INTS11: variants seen among roughly 807,000 people sequenced by gnomAD.
The protein encoded by INTS11 is integrator complex subunit 11, also known as CPSF3-like protein.
In INTS11, 77 loss-of-function variants were observed where a neutral mutation model predicts 78.6. The observed-to-expected ratio is 0.98, with a 90% confidence interval of 0.81 to 1.18. The LOEUF is 1.18. Ranked by LOEUF, INTS11 falls within the 50% of genes most tolerant of loss-of-function variation. The probability of loss-of-function intolerance (pLI) is 0.00; values close to 1 mark genes in which losing one functional copy is unlikely to be tolerated. For missense variants in INTS11, 875 were observed against 825.9 expected (o/e 1.06, Z -0.73); for synonymous variants, 441 against 326.9 (o/e 1.35, Z -3.77).
Position 1,311,887 on chromosome 1 carries a change from T to C in INTS11, c.1775A>G (p.Lys592Arg). ...GCTGGGGGCCTGGGGGAGGCCCTTC[T>C]TCAGCAGAGATGTGAGGAAGCTCCC... ...ELGSFLTSLLKKGLPQAPS is the reference protein window; with the variant it reads ...ELGSFLTSLLRKGLPQAPS The change falls in exon 17 of 17, where the codon AAG becomes AGG. Residue 592 changes from lysine (K) to arginine (R), a missense_variant. Lys to Arg is a conservative substitution (Grantham distance 26). Transcript: ENST00000435064. 1 of 1,570,514 alleles carries C rather than the reference T, an allele frequency of 6.4e-7. No individual in the cohort carries two copies. Among genetic ancestry groups the C allele is most frequent in the Non-Finnish European group, 8.6e-7 (1 of 1,157,784 alleles).
At position 1,311,686 on chromosome 1, in the gene INTS11, T is replaced by G. The variant is rs1478119715; in HGVS notation, c.*173A>C. 3 of 741,452 alleles carry G rather than the reference T, an allele frequency of 4.0e-6. No homozygotes were observed. Among genetic ancestry groups the G allele is most frequent in the Admixed American group, 2.1e-5 (1 of 46,634 alleles). 45.9% of individuals were successfully genotyped at this position (741,452 alleles called of 1,614,324 possible). On this transcript the variant is annotated 3_prime_UTR_variant, in exon 17 of 17. Coordinates refer to ENST00000435064, the MANE Select transcript of INTS11 (RefSeq NM_017871.6). The stretch of plus-strand genomic sequence containing the variant: ...AGGCAAGACAGCCTGGAGACCAGTT[T>G]GTTTCTTCAGCTGCAAACAGCTGCC...
At chr1:1,320,890 A>G in intron 2 of INTS11, 106 bp downstream of exon 2, 1 of 1,049,874 alleles carries the variant, frequency 9.5e-7, no homozygotes, top group Non-Finnish European at 1.5e-6. Context: ...CCATCCAAGC[A>G]CAACCACTGC....
chr1:1,313,250 T>C, intron 10 of INTS11, 126 bp from the exon 11 acceptor site: 1 of 1,141,066 alleles, frequency 8.8e-7, no homozygotes. Context: ...CGACCAAGCC[T>C]AGCTGCAGAC....
chr1:1,320,636 A>G (rs1642889961), intron 2 of INTS11, 107 bp from the exon 3 acceptor site: 1 of 1,126,764 alleles, frequency 8.9e-7, no homozygotes, highest in Non-Finnish European at 1.4e-6. Flanking sequence ...CTATGTGCAG[A>G]CTCAGGCTGG....
intron 13 of INTS11, 43 bp downstream of exon 13, chr1:1,312,550 G>GC: frequency 6.3e-7 from 1 of 1,579,620 alleles, no homozygotes; most frequent in Non-Finnish European, 8.6e-7. Flanking sequence ...GCTCCCAGCC[G>GC]CCTGCCCCGA....
chr1:1,314,679 G>C lies in INTS11; in HGVS notation c.702+145C>G. 1 of 1,056,656 alleles carries C rather than the reference G, an allele frequency of 9.5e-7. No individual in the cohort carries two copies. The highest frequency in any genetic ancestry group is 1.6e-5 in the South Asian group (1 of 63,748). 65.5% of individuals were successfully genotyped at this position (1,056,656 alleles called of 1,614,324 possible). ...GGGTCTCTGAGTTTTCCTCCTCAATGTTGAGCAAATCTTCTTCCCTCCCTG... is the reference window on the plus strand; with the variant it reads ...GGGTCTCTGAGTTTTCCTCCTCAATCTTGAGCAAATCTTCTTCCCTCCCTG... On this transcript the variant is annotated intron_variant, in intron 7 of 16. Coordinates refer to ENST00000435064, the MANE Select transcript of INTS11 (RefSeq NM_017871.6). This position sits in a 1 kb window ranked among gnomAD's most constrained non-coding sequence, Gnocchi z 4.2.
chr1:1,324,603 A>C lies in INTS11; in HGVS notation c.6T>G (p.Pro2=), dbSNP rs191909387. The C allele has an allele frequency of 1.8e-5, 29 of 1,598,482 alleles. No individual in the cohort carries two copies. The African/African-American group carries it at 3.4e-4, about 19-fold the overall frequency. ...CACCCAAGGGCGTGACTCTGATCTC[A>C]GGCATCGTCTCCGCCGCGCTCCCGG... M[P]EIRVTPLGAG... The change falls in exon 1 of 17, where the codon CCT becomes CCG. Residue 2 remains proline, a synonymous_variant. Coordinates refer to ENST00000435064, the MANE Select transcript of INTS11 (RefSeq NM_017871.6).
intron 2 of INTS11, 66 bp downstream of exon 2, chr1:1,320,930 G>A: frequency 7.8e-6 from 11 of 1,401,876 alleles, no homozygotes; most frequent in Non-Finnish European, 1.1e-5. Flanking sequence ...CCGGCTCTGA[G>A]GCCCAGGGTC....
chr1:1,312,738 G>A (rs376713309), intron 12 of INTS11, 38 bp from the exon 13 acceptor site: 25 of 1,592,228 alleles, frequency 1.6e-5, no homozygotes, highest in Non-Finnish European at 2.0e-5. Flanking sequence ...AGCCCAGGCT[G>A]CCCGTGCTGA....
In INTS11 at chr1:1,313,918, C is replaced by T; in HGVS notation, c.771G>A (p.Glu257=). The change falls in exon 9 of 17, where the codon GAG becomes GAA. Residue 257 remains glutamate (E), a synonymous_variant. Transcript: ENST00000435064. ...ELCILLETFW[E]RMNLKVPIYF... is the part of the protein sequence containing the mutation. Reference sequence around the variant, plus strand: ...AGATGGGCACCTTCAGGTTCATGCGCTCCCTGGGGACCACCGGCCCAGTCA... The same window carrying T: ...AGATGGGCACCTTCAGGTTCATGCGTTCCCTGGGGACCACCGGCCCAGTCA... 1.9e-6 allele frequency: 3 copies of T among 1,611,664 alleles called. No homozygotes were observed. Among genetic ancestry groups the T allele is most frequent in the Non-Finnish European group, 2.5e-6 (3 of 1,179,004 alleles).
At position 1,313,138 on chromosome 1, in the gene INTS11, C is replaced by A; in HGVS notation, c.1042-14G>T. On this transcript the variant is annotated splice_polypyrimidine_tract_variant and intron_variant, in intron 10 of 16. Coordinates refer to ENST00000435064, the MANE Select transcript of INTS11 (RefSeq NM_017871.6). Reference sequence around the variant, plus strand: ...GGGCATGATGACCTGGGGGCAGGCACAGAGCTCACAGCCAGGGAACTCCAG... The same window carrying A: ...GGGCATGATGACCTGGGGGCAGGCAAAGAGCTCACAGCCAGGGAACTCCAG... 1 of 1,600,766 alleles carries A rather than the reference C, an allele frequency of 6.2e-7. No homozygotes were observed. Among genetic ancestry groups the A allele is most frequent in the East Asian group, 2.2e-5 (1 of 44,510 alleles).
intron 1 of INTS11, chr1:1,323,358 C>T: frequency 1.4e-6 from 2 of 1,480,290 alleles, no homozygotes; most frequent in Non-Finnish European, 1.8e-6. Context: ...TTTCTGAGAC[C>T]CTGGATTTTG....
chr1:1,320,753 C>T, intron 2 of INTS11: 1 of 714,902 alleles, frequency 1.4e-6, no homozygotes, highest in Non-Finnish European at 2.5e-6. Context: ...GAAGCTGAGC[C>T]CAGGGTCTCA....
chr1:1,318,873 C>T (rs1264375385), intron 4 of INTS11: 1 of 666,904 alleles, frequency 1.5e-6, no homozygotes, highest in South Asian at 1.6e-5. Flanking sequence ...CACTTCTTCC[C>T]TGACCCACAC....
chr1:1,315,187 C>T lies in INTS11; in HGVS notation c.563+217G>A. On this transcript the variant is annotated intron_variant, in intron 6 of 16. Coordinates refer to ENST00000435064, the MANE Select transcript of INTS11 (RefSeq NM_017871.6). ...GGAAGAGCGAGACAGAGGCACCCAC[C>T]CAGAGACTTGGGAAGAGAGAGAAGG... 5.5e-6 allele frequency: 4 copies of T among 724,214 alleles called. No individual in the cohort carries two copies. The South Asian group carries it at 7.3e-5, about 13-fold the overall frequency. 44.9% of individuals were successfully genotyped at this position (724,214 alleles called of 1,614,324 possible).
At chr1:1,322,821 C>A (rs896351002) in intron 1 of INTS11, 4 of 961,368 alleles carry the variant, frequency 4.2e-6, no homozygotes, top group East Asian at 1.6e-4. Flanking sequence ...GTCCAGTGAG[C>A]GCGGACACGG....
At chr1:1,315,248 G>C (rs928425229) in intron 6 of INTS11, 156 bp downstream of exon 6, 3 of 903,098 alleles carry the variant, frequency 3.3e-6, no homozygotes, top group South Asian at 2.9e-5. Flanking sequence ...CTGTGCCTTC[G>C]CGCATTTGGG....
chr1:1,312,765 C>T (rs372236857), intron 12 of INTS11, 22 bp downstream of exon 12: 18 of 1,599,326 alleles, frequency 1.1e-5, no homozygotes, highest in South Asian at 4.4e-5. Context: ...GTGGGCCCCA[C>T]GCCGCCCGCC....
At chr1:1,323,107 T>C in intron 1 of INTS11, 1 of 1,525,178 alleles carries the variant, frequency 6.6e-7, no homozygotes, top group Non-Finnish European at 8.8e-7. Flanking sequence ...TGCCATGGGG[T>C]GTGCACAGGC....
Sources: allele counts gnomAD v4.1 joint callset, GRCh38; gene constraint gnomAD v4.1.1; non-coding constraint Gnocchi (gnomAD v3.1); transcripts MANE v1.5; gene names NCBI Gene and HGNC (gene_info 2026-07-23, HGNC 2026-07-21).